Variants in LRMDA observed in about 807,000 individuals in gnomAD.
LRMDA encodes the protein leucine rich melanocyte differentiation associated.
In LRMDA, 18 loss-of-function variants were observed where a neutral mutation model predicts 29.8. The ratio of observed to expected loss-of-function variants is 0.60; its 90% CI spans 0.42 to 0.90. The LOEUF is 0.90. Among genes scored for constraint, LRMDA ranks in the 40% least tolerant of loss-of-function variants. LRMDA has a pLI of 0.00. For missense variants in LRMDA, 273 were observed against 273.9 expected (o/e 1.00, Z 0.02); for synonymous variants, 125 against 109.4 (o/e 1.14, Z -0.89).
intron 6 of LRMDA, among the ~76,000 whole-genome samples, chr10:76,520,348 A>G (rs1843106088): frequency 6.6e-6 from 1 of 151,620 alleles, no homozygotes; most frequent in Non-Finnish European, 1.5e-5. Context: ...CACCCTGATT[A>G]TTCTTTTTTC....
intron 5 of LRMDA, among the ~76,000 whole-genome samples, chr10:76,096,782 T>C (rs1188131031): frequency 2.0e-5 from 3 of 152,154 alleles, no homozygotes; most frequent in Admixed American, 6.5e-5. Context: ...TTAATCTGTT[T>C]TATAATTTTC....
chr10:75,784,558 G>T (rs561365461), intron 2 of LRMDA, among the ~76,000 whole-genome samples: 52 of 152,172 alleles, frequency 3.4e-4, no homozygotes, highest in Middle Eastern at 3.4e-3. Flanking sequence ...AATTAGCCGG[G>T]CTTGGTGGTG....
chr10:76,365,362 C>T (rs1216144373), intron 6 of LRMDA, among the ~76,000 whole-genome samples: 1 of 151,958 alleles, frequency 6.6e-6, no homozygotes. Context: ...TACATTTCCA[C>T]CCGCAGTGTA....
chr10:75,492,005 G>A (rs1044168465), intron 2 of LRMDA, among the ~76,000 whole-genome samples: 2 of 152,156 alleles, frequency 1.3e-5, no homozygotes, highest in African/African-American at 4.8e-5. Flanking sequence ...TAAATGCCTT[G>A]GGAACAGTGC....
intron 2 of LRMDA, among the ~76,000 whole-genome samples, chr10:75,728,207 C>T (rs1344186057): frequency 4.6e-5 from 7 of 152,120 alleles, no homozygotes; most frequent in African/African-American, 1.4e-4. Flanking sequence ...TTTTCCATGA[C>T]ACTAAACTGC....
chr10:76,285,273 C>T (rs1840257685), intron 5 of LRMDA, among the ~76,000 whole-genome samples: 1 of 152,120 alleles, frequency 6.6e-6, no homozygotes, highest in Non-Finnish European at 1.5e-5. Context: ...ATAGCTTGCT[C>T]TTTATGAAGT....
intron 2 of LRMDA, among the ~76,000 whole-genome samples, chr10:75,623,277 C>G (rs890635934): frequency 6.6e-6 from 1 of 152,178 alleles, no homozygotes; most frequent in Admixed American, 6.5e-5. Context: ...GAGCTTTCTT[C>G]GTGGGCCCCT....
At chr10:76,012,509 A>G (rs1434271421) in intron 2 of LRMDA, among the ~76,000 whole-genome samples, 1 of 152,050 alleles carries the variant, frequency 6.6e-6, no homozygotes, top group Non-Finnish European at 1.5e-5. Flanking sequence ...AACTTTAATA[A>G]GATGGTTCTT....
chr10:76,067,792 A>G (rs1399284417), intron 5 of LRMDA, among the ~76,000 whole-genome samples: 1 of 152,236 alleles, frequency 6.6e-6, no homozygotes, highest in Non-Finnish European at 1.5e-5. Flanking sequence ...CGTATGAGTA[A>G]AAGGAGAATC....
At chr10:76,041,585 G>A (rs1848339515) in intron 3 of LRMDA, among the ~76,000 whole-genome samples, 1 of 152,190 alleles carries the variant, frequency 6.6e-6, no homozygotes, top group East Asian at 1.9e-4. Flanking sequence ...TTAACCCGCA[G>A]CTGAGCCCAG....
chr10:75,535,380 C>CTTAT (rs72512546), intron 2 of LRMDA, among the ~76,000 whole-genome samples: 79 of 152,018 alleles, frequency 5.2e-4, no homozygotes, highest in Middle Eastern at 6.8e-3. Flanking sequence ...TTACTTACTT[C>CTTAT]TTATTTATTT....
At chr10:75,693,837 G>T (rs770338353) in intron 2 of LRMDA, among the ~76,000 whole-genome samples, 6 of 152,072 alleles carry the variant, frequency 3.9e-5, no homozygotes, top group African/African-American at 1.4e-4. Context: ...AAGCAGGATG[G>T]TACAATTTAT....
At chr10:76,378,416 A>G (rs966020855) in intron 6 of LRMDA, among the ~76,000 whole-genome samples, 1 of 152,182 alleles carries the variant, frequency 6.6e-6, no homozygotes, top group African/African-American at 2.4e-5. Flanking sequence ...GACTTCCAGT[A>G]CTAGAATAGG....
intron 5 of LRMDA, among the ~76,000 whole-genome samples, chr10:76,204,876 A>G (rs1851505764): frequency 6.6e-6 from 1 of 152,234 alleles, no homozygotes; most frequent in Non-Finnish European, 1.5e-5. Flanking sequence ...TAGAAGAATG[A>G]TGAACATTAT....
intron 2 of LRMDA, among the ~76,000 whole-genome samples, chr10:75,901,590 A>G (rs1845674003): frequency 6.6e-6 from 1 of 152,164 alleles, no homozygotes; most frequent in South Asian, 2.1e-4. Context: ...TCATGGGGGG[A>G]GAAAAAAGAA....
chr10:75,871,299 C>G (rs1489081744), intron 2 of LRMDA, among the ~76,000 whole-genome samples: 1 of 152,160 alleles, frequency 6.6e-6, no homozygotes, highest in Non-Finnish European at 1.5e-5. Flanking sequence ...AAGAGTCTGT[C>G]TTCTTTCTGC....
chr10:76,215,538 GA>G (rs111919971), intron 5 of LRMDA, among the ~76,000 whole-genome samples: 183 of 143,458 alleles, frequency 1.3e-3, no homozygotes, highest in Middle Eastern at 7.4e-3. Flanking sequence ...ATTCTTTCTT[GA>G]AAAAAAAAAA....
chr10:76,222,068 G>A (rs1174790752), intron 5 of LRMDA, among the ~76,000 whole-genome samples: 2 of 152,014 alleles, frequency 1.3e-5, no homozygotes, highest in Non-Finnish European at 2.9e-5. Context: ...CTAGCCATAT[G>A]TAGAAAGCTG....
At chr10:76,182,729 G>A (rs1181711423) in intron 5 of LRMDA, among the ~76,000 whole-genome samples, 9 of 152,156 alleles carry the variant, frequency 5.9e-5, no homozygotes, top group African/African-American at 2.2e-4. Context: ...CTGGGGTCTT[G>A]TATTGATGAA....
Sources: allele counts gnomAD v4.1 joint callset (sites outside exome capture counted in the v4.1 genomes callset), GRCh38; gene constraint gnomAD v4.1.1; transcripts MANE v1.5; gene names NCBI Gene and HGNC (gene_info 2026-07-23, HGNC 2026-07-21).